AGAP1: variants seen among roughly 807,000 people sequenced by gnomAD.
AGAP1 encodes arf-GAP with GTPase, ANK repeat and PH domain-containing protein 1.
Under a neutral mutation model 105.3 loss-of-function variants are expected in AGAP1, and 29 were observed. The observed-to-expected ratio is 0.28, with a 90% CI of 0.21 to 0.38. AGAP1 has a LOEUF of 0.38. AGAP1 is among the 10% of genes least tolerant of loss of function. The probability of loss-of-function intolerance (pLI) is 1.00; values close to 1 mark genes in which losing one functional copy is unlikely to be tolerated. For synonymous variants in AGAP1, 509 were observed against 485.9 expected (o/e 1.05, Z -0.63); for missense variants, 998 against 1,165.1 (o/e 0.86, Z 2.09).
intron 12 of AGAP1, among the ~76,000 whole-genome samples, chr2:235,956,766 C>A (rs893887033): frequency 6.6e-6 from 1 of 152,110 alleles, no homozygotes; most frequent in African/African-American, 2.4e-5. Context: ...AGAGCCAGAT[C>A]CTGGTAGGTG....
chr2:235,670,428 C>T (rs965408730), intron 1 of AGAP1: 1 of 555,378 alleles, frequency 1.8e-6, no homozygotes, highest in East Asian at 3.7e-5. Context: ...CGGCTCCGGC[C>T]GTGCGCACGC....
Position 236,050,793 on chromosome 2 carries a change from T to G in AGAP1, c.2114+1512T>G, listed in dbSNP as rs2057874316. Among the ~76,000 whole-genome samples the G allele has an allele frequency of 6.6e-6, 1 of 152,244 alleles. No individual in the cohort carries two copies. The highest frequency in any genetic ancestry group is 1.5e-5 in the Non-Finnish European group (1 of 68,040). ...TAATATCATGAATTATTAGAAAAGT[T>G]TGTTTATCCATCCATTAAAATTTAG... is the stretch of plus-strand genomic sequence containing the variant. On this transcript the variant is annotated intron_variant, in intron 16 of 17. Coordinates refer to ENST00000304032, the MANE Select transcript of AGAP1 (RefSeq NM_001037131.3). The surrounding 1 kb of genome is among the most constrained non-coding windows in gnomAD (Gnocchi z 4.0).
intron 1 of AGAP1, among the ~76,000 whole-genome samples, chr2:235,707,455 C>G (rs1950589901): frequency 7.9e-6 from 1 of 126,752 alleles, no homozygotes; most frequent in African/African-American, 2.8e-5. Flanking sequence ...GTTTGCTGCA[C>G]AGTTGCCCTC....
chr2:235,560,714 A>G (rs1347367825), intron 1 of AGAP1, among the ~76,000 whole-genome samples: 4 of 152,200 alleles, frequency 2.6e-5, no homozygotes, highest in Admixed American at 1.3e-4. Context: ...CCTGAAGGGC[A>G]TACAGCCCTG....
At chr2:235,762,716 A>C (rs1422587692) in intron 6 of AGAP1, among the ~76,000 whole-genome samples, 1 of 152,100 alleles carries the variant, frequency 6.6e-6, no homozygotes, top group Non-Finnish European at 1.5e-5. Context: ...GAAAATACAA[A>C]AAAGAACTTA....
Position 235,614,412 on chromosome 2 carries a change from A to G in AGAP1, c.164-94767A>G, listed in dbSNP as rs948019330. ...GGAGTGTGTGTCATCCCAGAGGAGC[A>G]GCAGCAAACGGCCTGTGATGGGCTG... On this transcript the variant is annotated intron_variant, in intron 1 of 17. Transcript: ENST00000304032. This position sits in a 1 kb window ranked among gnomAD's most constrained non-coding sequence, Gnocchi z 4.7. Among the ~76,000 whole-genome samples the G allele has an allele frequency of 5.9e-5, 9 of 152,128 alleles. No individual in the cohort carries two copies. Among genetic ancestry groups the G allele is most frequent in the African/African-American group, 2.2e-4 (9 of 41,434 alleles).
chr2:235,954,941 C>T (rs985572641), intron 12 of AGAP1, among the ~76,000 whole-genome samples: 1 of 152,136 alleles, frequency 6.6e-6, no homozygotes, highest in Admixed American at 6.5e-5. Flanking sequence ...GGTAGATGGG[C>T]CACATGGCAC....
rs1468919495 is a variant in AGAP1 at position 235,867,313 on chromosome 2, A to G, written c.1051-16032A>G. Among the ~76,000 whole-genome samples the G allele has an allele frequency of 1.3e-5, 2 of 152,150 alleles. No homozygotes were observed. The highest frequency in any genetic ancestry group is 2.9e-5 in the Non-Finnish European group (2 of 68,020). The stretch of plus-strand genomic sequence containing the variant: ...TACCTACCTCTCCCAGTTCAGGGCA[A>G]ATGCAGCCATTCCAACCAATGAACT... On this transcript the variant is annotated intron_variant, in intron 9 of 17. Transcript: ENST00000304032. This position sits in a 1 kb window ranked among gnomAD's most constrained non-coding sequence, Gnocchi z 5.4.
chr2:235,892,779 G>T (rs994358642), intron 10 of AGAP1, among the ~76,000 whole-genome samples: 8 of 152,158 alleles, frequency 5.3e-5, no homozygotes, highest in African/African-American at 1.9e-4. Context: ...ACTTCTTGAG[G>T]TCGTGAACAT....
At chr2:235,915,203 C>T (rs1413297123) in intron 11 of AGAP1, among the ~76,000 whole-genome samples, 2 of 151,962 alleles carry the variant, frequency 1.3e-5, no homozygotes, top group East Asian at 1.9e-4. Context: ...TGCTCTTATT[C>T]ATAGATAATG....
intron 1 of AGAP1, among the ~76,000 whole-genome samples, chr2:235,512,591 C>T (rs779548520): frequency 3.3e-5 from 5 of 152,164 alleles, no homozygotes; most frequent in Non-Finnish European, 7.3e-5. Context: ...GAGACCCTAT[C>T]ATTAAAAATC....
Position 235,843,265 on chromosome 2 carries a change from C to T in AGAP1, c.1050+35934C>T, listed in dbSNP as rs1961074881. On this transcript the variant is annotated intron_variant, in intron 9 of 17. Coordinates refer to ENST00000304032, the MANE Select transcript of AGAP1 (RefSeq NM_001037131.3). The surrounding 1 kb of genome is among the most constrained non-coding windows in gnomAD (Gnocchi z 5.9). ...GACCTGAGCTTCGGCTGCGGCCTTC[C>T]AGCCCCCTGGGTCTCACTGCTTGCT... Among the ~76,000 whole-genome samples the T allele has an allele frequency of 6.6e-6, 1 of 152,244 alleles. No individual in the cohort carries two copies. Among genetic ancestry groups the T allele is most frequent in the South Asian group, 2.1e-4 (1 of 4,822 alleles).
chr2:236,075,770 A>G (rs2058620810), intron 16 of AGAP1, among the ~76,000 whole-genome samples: 1 of 152,250 alleles, frequency 6.6e-6, no homozygotes, highest in African/African-American at 2.4e-5. Context: ...GACAAACAGC[A>G]GTGAGAGCTG....
rs1038560451 is a variant in AGAP1, at chr2:236,104,244, AC to A, written c.2115-15947del. ...AGGCCTGTTGGCTGCTGTGAGAGATACGCCACCAGGCCAGGCTGACATGGGC... is the reference window on the plus strand; with the variant it reads ...AGGCCTGTTGGCTGCTGTGAGAGATAGCCACCAGGCCAGGCTGACATGGGC... On this transcript the variant is annotated intron_variant, in intron 16 of 17. Transcript: ENST00000304032. The surrounding 1 kb of genome is among the most constrained non-coding windows in gnomAD (Gnocchi z 4.7). 8.5e-5 allele frequency among the ~76,000 whole-genome samples: 13 copies of A among 152,214 alleles called. No individual in the cohort carries two copies. The highest frequency in any genetic ancestry group is 1.9e-4 in the Non-Finnish European group (13 of 68,038).
At chr2:235,682,290 G>A (rs1949118785) in intron 1 of AGAP1, among the ~76,000 whole-genome samples, 1 of 152,002 alleles carries the variant, frequency 6.6e-6, no homozygotes, top group Non-Finnish European at 1.5e-5. Flanking sequence ...GAACTAGCTT[G>A]GTGGCCAAGA....
At position 235,809,677 on chromosome 2, in the gene AGAP1, G is replaced by T. The variant is rs141291267; in HGVS notation, c.1050+2346G>T. ...ATGTGGGTTTGCAGACGGTTGTATC[G>T]ATCTATCTCACATCCCTGTGTGTAC... is the stretch of plus-strand genomic sequence containing the variant. On this transcript the variant is annotated intron_variant, in intron 9 of 17. Coordinates refer to ENST00000304032, the MANE Select transcript of AGAP1 (RefSeq NM_001037131.3). 1.7e-3 allele frequency among the ~76,000 whole-genome samples: 261 copies of T among 152,236 alleles called. 2 individuals carry two copies. The East Asian group carries it at 0.02, about 12-fold the overall frequency.
At chr2:236,108,325 A>G (rs1358254140) in intron 16 of AGAP1, among the ~76,000 whole-genome samples, 5 of 152,044 alleles carry the variant, frequency 3.3e-5, no homozygotes, top group Non-Finnish European at 5.9e-5. Context: ...TTGAGGCAGG[A>G]AGCACTCTGG....
chr2:235,686,714 C>T (rs1458522751), intron 1 of AGAP1, among the ~76,000 whole-genome samples: 2 of 139,906 alleles, frequency 1.4e-5, no homozygotes, highest in East Asian at 2.1e-4. Flanking sequence ...CAGGATGGAG[C>T]GCAGTGGCGT....
Position 235,753,467 on chromosome 2 carries a change from G to C in AGAP1, c.673+2979G>C, listed in dbSNP as rs144107272. Among the ~76,000 whole-genome samples the C allele has an allele frequency of 6.0e-3, 908 of 152,238 alleles. 6 individuals carry two copies. The highest frequency in any genetic ancestry group is 0.021 in the African/African-American group (854 of 41,536). On this transcript the variant is annotated intron_variant, in intron 6 of 17. Transcript: ENST00000304032. The surrounding 1 kb of genome is among the most constrained non-coding windows in gnomAD (Gnocchi z 4.5). ...GGCCTGTAATCCCAACACTTTGGGA[G>C]GCTGAGGAGGGCAGATCACCTGAGG...
Sources: allele counts gnomAD v4.1 joint callset (sites outside exome capture counted in the v4.1 genomes callset), GRCh38; gene constraint gnomAD v4.1.1; non-coding constraint Gnocchi (gnomAD v3.1); transcripts MANE v1.5; gene names NCBI Gene and HGNC (gene_info 2026-07-23, HGNC 2026-07-21).